Variants in MACROD2 observed in about 807,000 individuals in gnomAD.
MACROD2 encodes ADP-ribose glycohydrolase MACROD2.
Under a neutral mutation model 70.4 loss-of-function variants are expected in MACROD2, and 36 were observed. The ratio of observed to expected loss-of-function variants is 0.51; its 90% CI spans 0.39 to 0.68. MACROD2 has a LOEUF of 0.68. Among genes scored for constraint, MACROD2 ranks in the 30% least tolerant of loss-of-function variants. The pLI is 0.00. For synonymous variants in MACROD2, 172 were observed against 178.8 expected (o/e 0.96, Z 0.30); for missense variants, 496 against 538.4 (o/e 0.92, Z 0.78).
chr20:15,020,987 T>C (rs530317225), intron 5 of MACROD2, among the ~76,000 whole-genome samples: 5 of 148,458 alleles, frequency 3.4e-5, no homozygotes, highest in African/African-American at 5.0e-5. Flanking sequence ...TACACATGTG[T>C]GTATATGTAT....
intron 5 of MACROD2, among the ~76,000 whole-genome samples, chr20:14,946,106 C>G (rs770303539): frequency 6.6e-6 from 1 of 151,622 alleles, no homozygotes; most frequent in Non-Finnish European, 1.5e-5. Flanking sequence ...GGCTGAGGCA[C>G]GAGAACTGCT....
intron 4 of MACROD2, among the ~76,000 whole-genome samples, chr20:14,631,571 C>T (rs1252088476): frequency 6.6e-6 from 1 of 152,124 alleles, no homozygotes; most frequent in Non-Finnish European, 1.5e-5. Context: ...GAGATTGAGA[C>T]CATCCTGGCT....
chr20:14,793,725 C>T (rs566242563), intron 5 of MACROD2, among the ~76,000 whole-genome samples: 47 of 152,104 alleles, frequency 3.1e-4, no homozygotes, highest in Middle Eastern at 6.8e-3. Context: ...AGACCTCCAC[C>T]CAGCTGGGGC....
chr20:15,250,900 C>T (rs1375112095), intron 6 of MACROD2, among the ~76,000 whole-genome samples: 1 of 152,176 alleles, frequency 6.6e-6, no homozygotes, highest in African/African-American at 2.4e-5. Flanking sequence ...ATGTAGCAGG[C>T]ATTCAGTAAA....
chr20:14,294,998 A>G (rs2082415307), intron 3 of MACROD2, among the ~76,000 whole-genome samples: 3 of 151,756 alleles, frequency 2.0e-5, no homozygotes, highest in African/African-American at 7.3e-5. Context: ...CCACTGACTC[A>G]TCATCCAACT....
intron 8 of MACROD2, among the ~76,000 whole-genome samples, chr20:15,538,105 A>T (rs2047901369): frequency 6.6e-6 from 1 of 152,206 alleles, no homozygotes; most frequent in Non-Finnish European, 1.5e-5. Context: ...ACGATTAATA[A>T]TAGAGACTTC....
chr20:15,365,505 C>G (rs186545118), intron 6 of MACROD2, among the ~76,000 whole-genome samples: 88 of 151,924 alleles, frequency 5.8e-4, no homozygotes, highest in Non-Finnish European at 2.9e-5. Context: ...ACTAAAAATA[C>G]AGAAAATTAG....
chr20:15,259,406 T>C (rs1201368200), intron 6 of MACROD2, among the ~76,000 whole-genome samples: 2 of 151,946 alleles, frequency 1.3e-5, no homozygotes, highest in African/African-American at 4.8e-5. Flanking sequence ...CAAGAACCAT[T>C]TGACAGGCAA....
chr20:14,200,940 C>T (rs1184777439), intron 3 of MACROD2, among the ~76,000 whole-genome samples: 3 of 96,206 alleles, frequency 3.1e-5, no homozygotes, highest in Non-Finnish European at 4.0e-5. Context: ...ATTATATTTG[C>T]TGGTAATGTT....
chr20:14,527,561 C>T lies in MACROD2; in HGVS notation c.301+34053C>T, dbSNP rs148845088. Among the ~76,000 whole-genome samples, 1,118 of 152,086 alleles carry T rather than the reference C, an allele frequency of 7.4e-3. 7 individuals carry two copies. Among genetic ancestry groups the T allele is most frequent in the Non-Finnish European group, 0.013 (858 of 67,998 alleles). ...AAACCACAAATAAAAGATGCATCAACGAATTATACTGACATTATAGGAAGA... is the reference window on the plus strand; with the variant it reads ...AAACCACAAATAAAAGATGCATCAATGAATTATACTGACATTATAGGAAGA... On this transcript the variant is annotated intron_variant, in intron 4 of 17. Transcript: ENST00000684519.
chr20:14,482,698 A>C (rs2123075466), intron 3 of MACROD2, among the ~76,000 whole-genome samples: 1 of 152,310 alleles, frequency 6.6e-6, no homozygotes, highest in South Asian at 2.1e-4. Context: ...AATTTTCATT[A>C]ATTTATTGTA....
chr20:15,747,640 T>G (rs2051203651), intron 8 of MACROD2, among the ~76,000 whole-genome samples: 1 of 152,222 alleles, frequency 6.6e-6, no homozygotes. Flanking sequence ...CTTTTGTATA[T>G]TAAATTTGTA....
rs185493144 is a variant in MACROD2, at chr20:15,092,352, A to G, written c.419-137588A>G. 1.5e-3 allele frequency among the ~76,000 whole-genome samples: 226 copies of G among 149,906 alleles called. 2 individuals are homozygous for G. Among genetic ancestry groups the G allele is most frequent in the African/African-American group, 5.1e-3 (211 of 41,216 alleles). On this transcript the variant is annotated intron_variant, in intron 5 of 17. Transcript: ENST00000684519. The stretch of plus-strand genomic sequence containing the variant: ...AATATAATTAATAATATGTTTAAGT[A>G]TAATAAAACTATAATAAATTTTTAT...
intron 15 of MACROD2, among the ~76,000 whole-genome samples, chr20:15,991,544 A>G (rs924197972): frequency 6.6e-6 from 1 of 152,224 alleles, no homozygotes; most frequent in African/African-American, 2.4e-5. Context: ...GGGCCATCAT[A>G]TACAGACTGT....
At chr20:14,761,879 C>T (rs1018607361) in intron 5 of MACROD2, among the ~76,000 whole-genome samples, 1 of 152,134 alleles carries the variant, frequency 6.6e-6, no homozygotes, top group Admixed American at 6.5e-5. Flanking sequence ...GAAATGTTGT[C>T]AACAATGAAA....
At chr20:14,806,859 G>A (rs951046280) in intron 5 of MACROD2, among the ~76,000 whole-genome samples, 1 of 152,082 alleles carries the variant, frequency 6.6e-6, no homozygotes, top group African/African-American at 2.4e-5. Flanking sequence ...CCGCAGCACT[G>A]CATAGCTGCT....
chr20:15,123,534 T>G (rs2076045493), intron 5 of MACROD2, among the ~76,000 whole-genome samples: 1 of 152,194 alleles, frequency 6.6e-6, no homozygotes, highest in South Asian at 2.1e-4. Context: ...AATCCTTTTT[T>G]GTATTGATTG....
At chr20:14,143,779 T>A (rs770725686) in intron 3 of MACROD2, among the ~76,000 whole-genome samples, 1 of 152,192 alleles carries the variant, frequency 6.6e-6, no homozygotes, top group Non-Finnish European at 1.5e-5. Flanking sequence ...ATGTTTAAAT[T>A]GTAATTTTGC....
intron 5 of MACROD2, among the ~76,000 whole-genome samples, chr20:14,898,141 T>C (rs908261934): frequency 6.6e-6 from 1 of 152,146 alleles, no homozygotes; most frequent in Admixed American, 6.5e-5. Context: ...ATAACTCTTT[T>C]TGAAAAGAGA....
Sources: allele counts gnomAD v4.1 joint callset (sites outside exome capture counted in the v4.1 genomes callset), GRCh38; gene constraint gnomAD v4.1.1; transcripts MANE v1.5; gene names NCBI Gene and HGNC (gene_info 2026-07-23, HGNC 2026-07-21).